CACNA2D1: variants seen among roughly 807,000 people sequenced by gnomAD.
CACNA2D1 encodes the protein voltage-dependent calcium channel subunit alpha-2/delta-1.
In CACNA2D1, 53 loss-of-function variants were observed where a neutral mutation model predicts 171.5. The ratio of observed to expected loss-of-function variants is 0.31; its 90% CI spans 0.25 to 0.39. The LOEUF is 0.39. CACNA2D1 is among the 10% of genes least tolerant of loss of function. The pLI is 1.00. For synonymous variants in CACNA2D1, 442 were observed against 443.1 expected (o/e 1.00, Z 0.03); for missense variants, 903 against 1,299.8 (o/e 0.69, Z 4.69).
At chr7:82,138,439 TGTTTTTTTTG>T (rs1478476711) in intron 4 of CACNA2D1, among the ~76,000 whole-genome samples, 17 of 91,670 alleles carry the variant, frequency 1.9e-4, no homozygotes, top group Admixed American at 4.0e-4. Context: ...TTGTTTTTTT[TGTTTTTTTTG>T]TTTTTTTTTT....
chr7:82,199,858 G>A (rs1457245089), intron 3 of CACNA2D1, among the ~76,000 whole-genome samples: 1 of 152,044 alleles, frequency 6.6e-6, no homozygotes, highest in East Asian at 1.9e-4. Flanking sequence ...ACAAATTGTA[G>A]TATATTCATA....
intron 10 of CACNA2D1, among the ~76,000 whole-genome samples, chr7:82,040,087 A>G (rs1005461050): frequency 6.6e-6 from 1 of 152,174 alleles, no homozygotes. Context: ...AGTAATCAGA[A>G]GGCTTTGCAG....
intron 1 of CACNA2D1, among the ~76,000 whole-genome samples, chr7:82,357,721 G>C (rs1219581687): frequency 7.3e-6 from 1 of 136,294 alleles, no homozygotes; most frequent in African/African-American, 2.6e-5. Context: ...TGGGGTGGGG[G>C]GTGGGGGGAG....
rs948525647 is a variant in CACNA2D1, at chr7:81,991,746, G to C, written c.1735-500C>G. Among the ~76,000 whole-genome samples, 3 of 152,132 alleles carry C rather than the reference G, an allele frequency of 2.0e-5. No individual in the cohort carries two copies. In the East Asian group the frequency reaches 5.8e-4, roughly 29 times the overall value. On this transcript the variant is annotated intron_variant, in intron 20 of 38. Transcript: ENST00000356860. ...AGGACAACATCTAATAAACCCACCA[G>C]GGAAAGAAAATACAGAGCTAAGGAA...
chr7:81,958,523 AGC>A (rs1793711065), intron 38 of CACNA2D1, among the ~76,000 whole-genome samples: 1 of 152,020 alleles, frequency 6.6e-6, no homozygotes, highest in Non-Finnish European at 1.5e-5. Flanking sequence ...GAATTTTAAA[AGC>A]ATAAAGCTAA....
chr7:82,118,864 G>A (rs1052597483), intron 5 of CACNA2D1, among the ~76,000 whole-genome samples: 2 of 151,844 alleles, frequency 1.3e-5, no homozygotes, highest in Non-Finnish European at 2.9e-5. Flanking sequence ...TATTTCCATG[G>A]TTCTCCTTTT....
intron 1 of CACNA2D1, among the ~76,000 whole-genome samples, chr7:82,379,678 A>G (rs1823467560): frequency 6.6e-6 from 1 of 152,166 alleles, no homozygotes; most frequent in Admixed American, 6.5e-5. Flanking sequence ...CTTTTTAAAA[A>G]CACAAAGTTC....
intron 1 of CACNA2D1, among the ~76,000 whole-genome samples, chr7:82,380,961 CT>C: frequency 6.6e-6 from 1 of 152,062 alleles, no homozygotes; most frequent in African/African-American, 2.4e-5. Context: ...TCCCAAAGTG[CT>C]GGGACTACAG....
chr7:82,269,846 T>C lies in CACNA2D1; in HGVS notation c.294+65289A>G, dbSNP rs564176462. On this transcript the variant is annotated intron_variant, in intron 3 of 38. Transcript: ENST00000356860. ...TTCAAGCTCCAATTCACTTTTCTTA[T>C]TATTAGAGTGCTTCAGTAGATGAAC... Among the ~76,000 whole-genome samples the C allele has an allele frequency of 2.0e-5, 3 of 152,300 alleles. No individual in the cohort carries two copies. The East Asian group carries it at 5.8e-4, about 29-fold the overall frequency.
intron 3 of CACNA2D1, among the ~76,000 whole-genome samples, chr7:82,261,117 G>T (rs937839008): frequency 6.6e-6 from 1 of 152,042 alleles, no homozygotes; most frequent in African/African-American, 2.4e-5. Context: ...AGCACGCCCG[G>T]CTAAATTTTG....
chr7:82,058,840 T>C (rs1279958524), intron 10 of CACNA2D1, among the ~76,000 whole-genome samples: 1 of 152,118 alleles, frequency 6.6e-6, no homozygotes, highest in Non-Finnish European at 1.5e-5. Context: ...AATTATAAAA[T>C]ACTTACAGTT....
At chr7:82,317,596 G>C (rs1368717761) in intron 3 of CACNA2D1, among the ~76,000 whole-genome samples, 1 of 152,126 alleles carries the variant, frequency 6.6e-6, no homozygotes, top group Non-Finnish European at 1.5e-5. Flanking sequence ...ACCACTTGCT[G>C]CTTCTTAATA....
At chr7:82,409,330 G>A (rs1308988231) in intron 1 of CACNA2D1, among the ~76,000 whole-genome samples, 1 of 152,122 alleles carries the variant, frequency 6.6e-6, no homozygotes, top group Admixed American at 6.6e-5. Context: ...ATATGTGGAT[G>A]TAAATAATTC....
chr7:82,443,322 G>C (rs890901652), intron 1 of CACNA2D1, 43 bp downstream of exon 1: 1 of 1,552,256 alleles, frequency 6.4e-7, no homozygotes, highest in Admixed American at 1.8e-5. Context: ...CAACTCCCGC[G>C]GCGCCCCTCG....
intron 6 of CACNA2D1, among the ~76,000 whole-genome samples, chr7:82,087,515 C>A (rs1222198185): frequency 6.7e-6 from 1 of 149,044 alleles, no homozygotes; most frequent in Non-Finnish European, 1.5e-5. Flanking sequence ...TAGGATAAAA[C>A]TGCTTCACTA....
At chr7:82,380,522 A>G (rs1399275078) in intron 1 of CACNA2D1, among the ~76,000 whole-genome samples, 1 of 152,118 alleles carries the variant, frequency 6.6e-6, no homozygotes, top group Non-Finnish European at 1.5e-5. Flanking sequence ...TTTTATAGAG[A>G]CAGGCGGCAA....
chr7:82,012,684 A>C (rs1799939954), intron 14 of CACNA2D1, among the ~76,000 whole-genome samples: 1 of 152,126 alleles, frequency 6.6e-6, no homozygotes. Flanking sequence ...ACTACATTTA[A>C]ACACATCAAA....
chr7:81,960,696 A>G (rs1298146667), intron 36 of CACNA2D1, among the ~76,000 whole-genome samples: 1 of 149,318 alleles, frequency 6.7e-6, no homozygotes, highest in African/African-American at 2.5e-5. Context: ...GGTTATACTG[A>G]CCTTCTTCAC....
At chr7:82,009,500 T>A (rs919664636) in intron 15 of CACNA2D1, among the ~76,000 whole-genome samples, 1 of 152,100 alleles carries the variant, frequency 6.6e-6, no homozygotes, top group Admixed American at 6.6e-5. Flanking sequence ...CAAAAGATAA[T>A]TTAGTAAGGA....
Sources: gnomAD v4.1 joint callset for allele counts (sites outside exome capture counted in the v4.1 genomes callset) on GRCh38, gnomAD v4.1.1 for gene constraint, MANE v1.5 for transcripts, NCBI Gene and HGNC (gene_info 2026-07-23, HGNC 2026-07-21) for gene names.